Variants in PSTPIP1 observed in about 807,000 individuals in gnomAD.
PSTPIP1 encodes proline-serine-threonine phosphatase-interacting protein 1.
A neutral mutation model predicts 69.6 loss-of-function variants in PSTPIP1; 66 were observed. The observed-to-expected ratio is 0.95, with a 90% CI of 0.78 to 1.16. PSTPIP1 has a LOEUF of 1.16. PSTPIP1 is among the 50% of genes most tolerant of loss of function. PSTPIP1 has a pLI of 0.00. For missense variants in PSTPIP1, 603 were observed against 557.4 expected (o/e 1.08, Z -0.82); for synonymous variants, 266 against 222.7 (o/e 1.19, Z -1.73).
At position 77,032,876 on chromosome 15, in the gene PSTPIP1, C is replaced by A. The variant is rs1218813134; in HGVS notation, c.853C>A (p.Gln285Lys). ...GTEPPAPVPY[Q>K]NYYDREVTPL... The stretch of plus-strand genomic sequence containing the variant: ...GCTGTCTGCAGCTCCGGTGCCCTAC[C>A]AGAACTATTACGATCGGGAGGTCAC... The change falls in exon 12 of 15, where the codon CAG (glutamine) becomes AAG (lysine). Residue 285 changes from glutamine to lysine, a missense_variant. Physicochemically the swap from Gln to Lys is moderately conservative, Grantham distance 53. Coordinates refer to ENST00000558012, the MANE Select transcript of PSTPIP1 (RefSeq NM_003978.5). The A allele has an allele frequency of 2.5e-6, 4 of 1,594,572 alleles. No individual in the cohort carries two copies. The African/African-American group carries it at 5.4e-5, about 21-fold the overall frequency.
intron 12 of PSTPIP1, among the ~76,000 whole-genome samples, chr15:77,034,113 G>A (rs1489172645): frequency 1.3e-5 from 2 of 152,138 alleles, no homozygotes; most frequent in Non-Finnish European, 2.9e-5. Flanking sequence ...GCCTCTGGAT[G>A]GGGCATCTAG....
intron 1 of PSTPIP1, among the ~76,000 whole-genome samples, chr15:77,011,969 T>C (rs12905311): frequency 0.6 from 90,543 of 151,964 alleles, 29,075 homozygotes; most frequent in Middle Eastern, 0.75. Context: ...TCCCTCTGCT[T>C]CTGATGGCCC....
chr15:76,995,689 C>T lies in PSTPIP1; in HGVS notation c.36+80C>T, dbSNP rs531218741. The stretch of plus-strand genomic sequence containing the variant: ...AAATCTCCATGCAGGTGATGGGATG[C>T]GGCTCCGAGAGGGGAGCTTTCTCAT... On this transcript the variant is annotated intron_variant, in intron 1 of 14. Transcript: ENST00000558012. 54 of 1,604,970 alleles carry T rather than the reference C, an allele frequency of 3.4e-5. No homozygotes were observed. In the Admixed American group the frequency reaches 3.5e-4, roughly 10 times the overall value.
intron 3 of PSTPIP1, among the ~76,000 whole-genome samples, chr15:77,020,381 G>T (rs1229692839): frequency 6.6e-6 from 1 of 152,100 alleles, no homozygotes; most frequent in African/African-American, 2.4e-5. Context: ...GGTGTTCTGG[G>T]CAGTCACAAG....
intron 1 of PSTPIP1, among the ~76,000 whole-genome samples, chr15:77,010,804 G>A (rs1204351399): frequency 2.6e-5 from 4 of 151,942 alleles, no homozygotes; most frequent in Non-Finnish European, 2.9e-5. Flanking sequence ...CCGCCACTAC[G>A]CCCAGCTAAT....
chr15:77,032,182 A>C (rs901111926), intron 10 of PSTPIP1, 116 bp from the exon 11 acceptor site: 8 of 1,003,386 alleles, frequency 8.0e-6, no homozygotes, highest in Non-Finnish European at 1.2e-5. Context: ...AAAGACCCCG[A>C]GCCGCGCACA....
chr15:77,031,167 C>A lies in PSTPIP1; in HGVS notation c.643-13C>A, dbSNP rs200459219. On this transcript the variant is annotated splice_polypyrimidine_tract_variant and intron_variant, in intron 9 of 14. Coordinates refer to ENST00000558012, the MANE Select transcript of PSTPIP1 (RefSeq NM_003978.5). ...CGCCTCCTCACTGCTCACCTCCCTC[C>A]CACTGCCCCCAGGCCTTTCAGCTGC... is the stretch of plus-strand genomic sequence containing the variant. 26 of 1,611,074 alleles carry A rather than the reference C, an allele frequency of 1.6e-5. No individual in the cohort carries two copies. In the Admixed American group the frequency reaches 4.3e-4, roughly 27 times the overall value.
intron 1 of PSTPIP1, among the ~76,000 whole-genome samples, chr15:77,013,929 C>A (rs371810097): frequency 4.6e-5 from 7 of 152,010 alleles, no homozygotes; most frequent in Admixed American, 1.3e-4. Context: ...GTGTGTAGGG[C>A]GAGAGGGGAG....
rs773348199 is a variant in PSTPIP1, at chr15:77,032,268, G to A, written c.742-30G>A. 2.8e-5 allele frequency: 45 copies of A among 1,606,312 alleles called. No individual in the cohort carries two copies. In the East Asian group the frequency reaches 9.2e-4, roughly 33 times the overall value. ...CCACAGAGGGGCAGAGTGGGCATCG[G>A]GCTGCGGCCTCTGCTCTTTCCTGCC... On this transcript the variant is annotated intron_variant, in intron 10 of 14. Coordinates refer to ENST00000558012, the MANE Select transcript of PSTPIP1 (RefSeq NM_003978.5).
chr15:77,007,484 C>T (rs1346373485), intron 1 of PSTPIP1, among the ~76,000 whole-genome samples: 1 of 152,042 alleles, frequency 6.6e-6, no homozygotes, highest in African/African-American at 2.4e-5. Flanking sequence ...TGGTGCACAC[C>T]TGTGGTCCCA....
chr15:77,000,197 C>CTT (rs2075668478), intron 1 of PSTPIP1, among the ~76,000 whole-genome samples: 1 of 152,192 alleles, frequency 6.6e-6, no homozygotes, highest in Non-Finnish European at 1.5e-5. Flanking sequence ...GGCAGTGACT[C>CTT]ACCAGCTTCA....
intron 1 of PSTPIP1, among the ~76,000 whole-genome samples, chr15:76,998,090 TAGCC>T (rs1305106452): frequency 2.6e-5 from 4 of 152,076 alleles, no homozygotes. Context: ...ATACAAAAAT[TAGCC>T]AGGCGTGATG....
At position 77,012,763 on chromosome 15, in the gene PSTPIP1, C is replaced by A. The variant is rs113715427; in HGVS notation, c.37-5385C>A. On this transcript the variant is annotated intron_variant, in intron 1 of 14. Coordinates refer to ENST00000558012, the MANE Select transcript of PSTPIP1 (RefSeq NM_003978.5). Reference sequence around the variant, plus strand: ...GACTGTTGTAAGAAGTAGAGGGGACCAGTGTGACTGGCTTCTTTAAAGGTG... The same window carrying A: ...GACTGTTGTAAGAAGTAGAGGGGACAAGTGTGACTGGCTTCTTTAAAGGTG... Among the ~76,000 whole-genome samples, 199 of 152,304 alleles carry A rather than the reference C, an allele frequency of 1.3e-3. 1 individual carries two copies. The highest frequency in any genetic ancestry group is 4.7e-3 in the African/African-American group (194 of 41,554).
Position 77,030,475 on chromosome 15 carries a change from C to A in PSTPIP1, c.563-27C>A, listed in dbSNP as rs769402326. 4 of 1,606,638 alleles carry A rather than the reference C, an allele frequency of 2.5e-6. No individual in the cohort carries two copies. The South Asian group carries it at 4.5e-5, about 18-fold the overall frequency. ...GGGGTGGAGGAGCTCGTGTCAGGGC[C>A]CTCCCTGAGGCTGCCTGCGCTTTCA... On this transcript the variant is annotated intron_variant, in intron 8 of 14. Coordinates refer to ENST00000558012, the MANE Select transcript of PSTPIP1 (RefSeq NM_003978.5).
chr15:77,037,023 G>A (rs376465836), intron 14 of PSTPIP1, 22 bp from the exon 15 acceptor site: 1 of 1,610,214 alleles, frequency 6.2e-7, no homozygotes, highest in Non-Finnish European at 8.5e-7. Flanking sequence ...CCAACGTCAT[G>A]CGCTTTCAAT....
chr15:77,016,250 C>T (rs1568497276), intron 1 of PSTPIP1, among the ~76,000 whole-genome samples: 2 of 152,014 alleles, frequency 1.3e-5, no homozygotes, highest in Admixed American at 6.6e-5. Context: ...GTTCTCAGGG[C>T]GGGGGGGTCT....
chr15:77,035,217 G>A (rs949702327), intron 12 of PSTPIP1, among the ~76,000 whole-genome samples: 6 of 152,206 alleles, frequency 3.9e-5, no homozygotes, highest in African/African-American at 1.4e-4. Flanking sequence ...CAGCTTCGGG[G>A]GTTCTAGGAT....
rs142688454 is a variant in PSTPIP1, at chr15:77,026,147, T to C, written c.354+543T>C. ...GCTGTCCCGAGACAGAGTGACTGCA[T>C]GGAAGTGAAGTCCCCATCATGGGAG... On this transcript the variant is annotated intron_variant, in intron 5 of 14. Coordinates refer to ENST00000558012, the MANE Select transcript of PSTPIP1 (RefSeq NM_003978.5). The C allele has an allele frequency of 2.9e-3, 1,302 of 455,966 alleles. 14 individuals carry two copies. The highest frequency in any genetic ancestry group is 0.023 in the African/African-American group (1,148 of 50,146). 28.2% of individuals were successfully genotyped at this position (455,966 alleles called of 1,614,324 possible).
At chr15:77,005,174 G>A (rs560360445) in intron 1 of PSTPIP1, among the ~76,000 whole-genome samples, 5 of 152,064 alleles carry the variant, frequency 3.3e-5, no homozygotes, top group African/African-American at 9.6e-5. Flanking sequence ...ACCTGAGGTC[G>A]GGAGTTCAAG....
Sources: allele counts gnomAD v4.1 joint callset (sites outside exome capture counted in the v4.1 genomes callset), GRCh38; gene constraint gnomAD v4.1.1; transcripts MANE v1.5; gene names NCBI Gene and HGNC (gene_info 2026-07-23, HGNC 2026-07-21).